Variants in TBC1D12 observed in about 807,000 individuals in gnomAD.
TBC1D12 encodes the protein TBC1 domain family member 12.
A neutral mutation model predicts 86.7 loss-of-function variants in TBC1D12; 56 were observed. The observed-to-expected ratio is 0.65, with a 90% confidence interval of 0.52 to 0.81. TBC1D12 has a LOEUF of 0.81. Among genes scored for constraint, TBC1D12 ranks in the 30% least tolerant of loss-of-function variants. The pLI is 0.00. For synonymous variants in TBC1D12, 421 were observed against 411.7 expected, an observed-to-expected ratio of 1.02 and a Z score of -0.27; for missense variants, 1,023 against 1,038.8, an observed-to-expected ratio of 0.98 and a Z score of 0.21.
chr10:94,469,491 C>T (rs113926321), intron 2 of TBC1D12, among the ~76,000 whole-genome samples: 211 of 133,364 alleles, frequency 1.6e-3, no homozygotes, highest in African/African-American at 5.6e-3. Context: ...TTCTGTCACT[C>T]ACGCTGGAGT....
rs186384750 is a variant in TBC1D12, at chr10:94,494,960, C to T, written c.1294+1513C>T. On this transcript the variant is annotated intron_variant, in intron 4 of 12. Coordinates refer to ENST00000225235, the MANE Select transcript of TBC1D12 (RefSeq NM_015188.2). ...CACTGCAGCCTCGAATTCCTGGGCT[C>T]AAGCAATCCTCCTGCCTCAGCTTCC... is the stretch of plus-strand genomic sequence containing the variant. Among the ~76,000 whole-genome samples, 295 of 152,036 alleles carry T rather than the reference C, an allele frequency of 1.9e-3. 1 individual carries two copies. The South Asian group carries it at 0.029, about 15-fold the overall frequency.
chr10:94,518,062 G>A (rs1264062570), intron 9 of TBC1D12, among the ~76,000 whole-genome samples: 1 of 152,004 alleles, frequency 6.6e-6, no homozygotes, highest in East Asian at 1.9e-4. Flanking sequence ...CTGAGGCAAG[G>A]AGAATTGCTT....
chr10:94,492,378 GT>G (rs1259226189), intron 3 of TBC1D12, among the ~76,000 whole-genome samples: 1 of 152,176 alleles, frequency 6.6e-6, no homozygotes, highest in Non-Finnish European at 1.5e-5. Flanking sequence ...CAGTTTGACA[GT>G]TTATTGTAAA....
intron 9 of TBC1D12, among the ~76,000 whole-genome samples, chr10:94,519,924 A>G (rs548600589): frequency 1.8e-4 from 27 of 152,282 alleles, no homozygotes; most frequent in Non-Finnish European, 3.4e-4. Flanking sequence ...TACCATGTCC[A>G]GCAACATATT....
chr10:94,529,718 T>C (rs1434243011), intron 11 of TBC1D12, among the ~76,000 whole-genome samples: 1 of 152,104 alleles, frequency 6.6e-6, no homozygotes, highest in Non-Finnish European at 1.5e-5. Context: ...TTTTTTAATA[T>C]TATGGGACTG....
At chr10:94,424,124 T>C (rs2055116929) in intron 1 of TBC1D12, among the ~76,000 whole-genome samples, 2 of 152,316 alleles carry the variant, frequency 1.3e-5, no homozygotes, top group Non-Finnish European at 1.5e-5. Context: ...CACCAGTTTA[T>C]ATAAGGGACT....
At chr10:94,448,939 T>C (rs2055510235) in intron 2 of TBC1D12, among the ~76,000 whole-genome samples, 1 of 152,214 alleles carries the variant, frequency 6.6e-6, no homozygotes. Flanking sequence ...TGTGTATAAA[T>C]GGATTTCATA....
At chr10:94,498,022 C>A (rs2056347370) in intron 5 of TBC1D12, among the ~76,000 whole-genome samples, 3 of 151,960 alleles carry the variant, frequency 2.0e-5, no homozygotes. Flanking sequence ...CGGGGTTTCA[C>A]CATTCACAGG....
chr10:94,408,860 A>G (rs1028196301), intron 1 of TBC1D12, among the ~76,000 whole-genome samples: 1 of 152,232 alleles, frequency 6.6e-6, no homozygotes, highest in African/African-American at 2.4e-5. Flanking sequence ...CAGCTTTTTA[A>G]TACTCTGATA....
chr10:94,440,051 G>A (rs758769652), intron 1 of TBC1D12, among the ~76,000 whole-genome samples: 1 of 152,204 alleles, frequency 6.6e-6, no homozygotes, highest in Non-Finnish European at 1.5e-5. Flanking sequence ...AGAGAATTAA[G>A]TCACTGTACA....
intron 1 of TBC1D12, among the ~76,000 whole-genome samples, chr10:94,424,626 A>C (rs2055123322): frequency 6.6e-6 from 1 of 152,180 alleles, no homozygotes. Context: ...AATTCTTTGA[A>C]AATAAAGAAT....
intron 1 of TBC1D12, among the ~76,000 whole-genome samples, chr10:94,418,580 T>TATTATTATTATA (rs1018116300): frequency 6.7e-6 from 1 of 148,980 alleles, no homozygotes; most frequent in African/African-American, 2.5e-5. Flanking sequence ...TTATTATTAT[T>TATTATTATTATA]ATATTATTTT....
At chr10:94,427,833 C>CAAAAAAAAAA (rs71031576) in intron 1 of TBC1D12, among the ~76,000 whole-genome samples, 2 of 67,042 alleles carry the variant, frequency 3.0e-5, no homozygotes, top group Admixed American at 2.4e-4. Context: ...CCCTGTCTCA[C>CAAAAAAAAAA]AAAAAAAAAA....
At chr10:94,413,290 C>A (rs1358047360) in intron 1 of TBC1D12, among the ~76,000 whole-genome samples, 2 of 152,102 alleles carry the variant, frequency 1.3e-5, no homozygotes, top group East Asian at 1.9e-4. Context: ...TGGGAAAAAT[C>A]TTTTATTTTC....
intron 10 of TBC1D12, 87 bp from the exon 11 acceptor site, chr10:94,522,257 C>A: frequency 9.3e-7 from 1 of 1,070,928 alleles, no homozygotes; most frequent in Non-Finnish European, 1.3e-6. Flanking sequence ...TCTTAATGAG[C>A]ACGATTTCCT....
chr10:94,509,475 C>G (rs2056501884), intron 7 of TBC1D12: 2 of 152,338 alleles, frequency 1.3e-5, no homozygotes, highest in Non-Finnish European at 2.9e-5. Context: ...TGATTTTATT[C>G]TGCATTTCTA....
chr10:94,418,074 A>T (rs2055024697), intron 1 of TBC1D12, among the ~76,000 whole-genome samples: 1 of 152,146 alleles, frequency 6.6e-6, no homozygotes, highest in Non-Finnish European at 1.5e-5. Flanking sequence ...TCTTCTACTA[A>T]ATGGCAAAGC....
At chr10:94,498,346 G>A (rs531771971) in intron 5 of TBC1D12, among the ~76,000 whole-genome samples, 1 of 152,084 alleles carries the variant, frequency 6.6e-6, no homozygotes, top group African/African-American at 2.4e-5. Flanking sequence ...TACTTATCTT[G>A]CCTTTGCATT....
chr10:94,460,439 C>T (rs766391713), intron 2 of TBC1D12, among the ~76,000 whole-genome samples: 8 of 152,094 alleles, frequency 5.3e-5, no homozygotes, highest in Non-Finnish European at 1.2e-4. Context: ...TATTTCACTC[C>T]ACTCTTTACT....
Sources: allele counts gnomAD v4.1 joint callset (sites outside exome capture counted in the v4.1 genomes callset), GRCh38; gene constraint gnomAD v4.1.1; transcripts MANE v1.5; gene names NCBI Gene and HGNC (gene_info 2026-07-23, HGNC 2026-07-21).